WDR37: variants seen among roughly 807,000 people sequenced by gnomAD.
The protein encoded by WDR37 is WD repeat-containing protein 37.
A neutral mutation model predicts 62.9 loss-of-function variants in WDR37; 19 were observed. That is an observed-to-expected ratio of 0.30 (90% confidence interval 0.21 to 0.44). WDR37 has a LOEUF of 0.44. Ranked by LOEUF, WDR37 falls within the 20% of genes least tolerant of loss-of-function variation. The probability of loss-of-function intolerance (pLI) is 1.00; values close to 1 mark genes in which losing one functional copy is unlikely to be tolerated. For synonymous variants in WDR37, 250 were observed against 260.9 expected (o/e 0.96, Z 0.40); for missense variants, 474 against 657.6 (o/e 0.72, Z 3.05).
chr10:1,126,300 G>A (rs1422155797), intron 13 of WDR37, among the ~76,000 whole-genome samples: 2 of 151,286 alleles, frequency 1.3e-5, no homozygotes, highest in Admixed American at 6.6e-5. Flanking sequence ...CAGCTACTCG[G>A]GAGGCTGAGG....
chr10:1,063,363 C>T (rs1833431399), intron 1 of WDR37, among the ~76,000 whole-genome samples: 1 of 152,174 alleles, frequency 6.6e-6, no homozygotes, highest in African/African-American at 2.4e-5. Context: ...AGCTAAATAT[C>T]ACAGGAAACC....
chr10:1,080,964 C>A (rs7101036), intron 5 of WDR37, among the ~76,000 whole-genome samples: 13,617 of 151,436 alleles, frequency 0.09, 1,210 homozygotes, highest in African/African-American at 0.24. Flanking sequence ...TACCCTAGTA[C>A]CTACAGGGAT....
chr10:1,127,604 C>T (rs373718964), intron 13 of WDR37, among the ~76,000 whole-genome samples: 71 of 152,198 alleles, frequency 4.7e-4, no homozygotes, highest in African/African-American at 1.6e-3. Flanking sequence ...CACTTCCCAG[C>T]ATGAGTTTTG....
rs1375514760 is a variant in WDR37, at chr10:1,131,753, C to T, written c.*2409C>T. The T allele has an allele frequency of 1.3e-5, 2 of 152,106 alleles. No homozygotes were observed. Among genetic ancestry groups the T allele is most frequent in the Non-Finnish European group, 2.9e-5 (2 of 68,038 alleles). 9.4% of individuals were successfully genotyped at this position (152,106 alleles called of 1,614,324 possible). A position where few individuals can be genotyped will look rare whatever the true frequency, so the allele number is the denominator to read the frequency against. ...AAATTAAGTCATACTGTCAACCACA[C>T]GTGATCTCGTCTGAAACAGTGTTTG... is the stretch of plus-strand genomic sequence containing the variant. On this transcript the variant is annotated 3_prime_UTR_variant, in exon 14 of 14. Coordinates refer to ENST00000263150, the MANE Select transcript of WDR37 (RefSeq NM_014023.4).
At chr10:1,075,514 T>A (rs1833854437) in intron 2 of WDR37, among the ~76,000 whole-genome samples, 1 of 151,340 alleles carries the variant, frequency 6.6e-6, no homozygotes, top group African/African-American at 2.4e-5. Context: ...TATATTAATA[T>A]GCACTTAATA....
At chr10:1,091,290 A>T (rs1834379948) in intron 7 of WDR37, among the ~76,000 whole-genome samples, 1 of 152,182 alleles carries the variant, frequency 6.6e-6, no homozygotes, top group Non-Finnish European at 1.5e-5. Context: ...AAAATTTCTC[A>T]TCGAAATTGG....
chr10:1,082,429 T>C (rs1211972587), intron 5 of WDR37, among the ~76,000 whole-genome samples: 1 of 152,198 alleles, frequency 6.6e-6, no homozygotes, highest in East Asian at 1.9e-4. Flanking sequence ...AAGAAACTTA[T>C]AAAAATCAGA....
In WDR37 at chr10:1,097,310, C is replaced by T. The variant is rs145542675; in HGVS notation, c.726+1064C>T. On this transcript the variant is annotated intron_variant, in intron 9 of 13. Coordinates refer to ENST00000263150, the MANE Select transcript of WDR37 (RefSeq NM_014023.4). ...GGTGGGAGCCACAGCTTTAAGCACC[C>T]ACCGCAGCAGGATCCAGGACTGGAG... is the stretch of plus-strand genomic sequence containing the variant. Among the ~76,000 whole-genome samples the T allele has an allele frequency of 1.1e-3, 170 of 152,300 alleles. 2 individuals carry two copies. In the East Asian group the frequency reaches 0.031, roughly 28 times the overall value.
chr10:1,113,044 G>C (rs1321824468), intron 11 of WDR37, among the ~76,000 whole-genome samples: 1 of 151,546 alleles, frequency 6.6e-6, no homozygotes, highest in Non-Finnish European at 1.5e-5. Context: ...AACTTTCCTA[G>C]CTAGAGAAGA....
chr10:1,061,268 A>G (rs1337409035), intron 1 of WDR37, among the ~76,000 whole-genome samples: 1 of 151,956 alleles, frequency 6.6e-6, no homozygotes, highest in Non-Finnish European at 1.5e-5. Context: ...CTTCCTGTCT[A>G]TTTTAGATTC....
At chr10:1,111,935 T>G (rs1835229643) in intron 11 of WDR37, among the ~76,000 whole-genome samples, 1 of 151,868 alleles carries the variant, frequency 6.6e-6, no homozygotes, top group Admixed American at 6.6e-5. Flanking sequence ...GGAGTCTCGC[T>G]CTGTTGCCCA....
In WDR37 at chr10:1,072,161, C is replaced by G; in HGVS notation, c.6C>G (p.Pro2=). Residue 2 remains proline (P), a synonymous_variant, in exon 2 of 14, where the codon CCC becomes CCG. Coordinates refer to ENST00000263150, the MANE Select transcript of WDR37 (RefSeq NM_014023.4). M[P]TESASCSTAR... ...GACACTACCTCCTAGAAGTAATGCC[C>G]ACAGAAAGCGCAAGTTGTTCGACTG... The G allele has an allele frequency of 1.2e-6, 2 of 1,614,018 alleles. No individual in the cohort carries two copies. The highest frequency in any genetic ancestry group is 1.7e-6 in the Non-Finnish European group (2 of 1,179,992).
chr10:1,110,337 C>G (rs911261549), intron 11 of WDR37, among the ~76,000 whole-genome samples: 1 of 152,162 alleles, frequency 6.6e-6, no homozygotes, highest in Non-Finnish European at 1.5e-5. Flanking sequence ...AACCTTTAGA[C>G]GTGCCTCATA....
chr10:1,084,853 C>T (rs1056146987), intron 6 of WDR37, among the ~76,000 whole-genome samples: 3 of 152,216 alleles, frequency 2.0e-5, no homozygotes, highest in Non-Finnish European at 2.9e-5. Flanking sequence ...TCCAGGTCCC[C>T]GTGGGTAGGG....
chr10:1,112,495 G>A (rs901507679), intron 11 of WDR37, among the ~76,000 whole-genome samples: 2 of 152,200 alleles, frequency 1.3e-5, no homozygotes, highest in Non-Finnish European at 2.9e-5. Context: ...ATGAAGAGTT[G>A]CGTGTCCCTC....
intron 1 of WDR37, among the ~76,000 whole-genome samples, chr10:1,065,599 G>T (rs1337052937): frequency 6.6e-6 from 1 of 151,134 alleles, no homozygotes; most frequent in Non-Finnish European, 1.5e-5. Context: ...AAAAAAAAAA[G>T]CTACTAGGAA....
In WDR37 at chr10:1,094,441, G is replaced by A. The variant is rs1589102228; in HGVS notation, c.649+945G>A. Among the ~76,000 whole-genome samples the A allele has an allele frequency of 2.0e-5, 3 of 152,366 alleles. 1 individual carries two copies. In the South Asian group the frequency reaches 6.2e-4, roughly 32 times the overall value. ...ACTTCCAGTGTGTGGGATGCAGCGA[G>A]TCATGCGGTTTGGTTGGAGTTTCTA... On this transcript the variant is annotated intron_variant, in intron 8 of 13. Transcript: ENST00000263150.
intron 1 of WDR37, among the ~76,000 whole-genome samples, chr10:1,066,332 G>A (rs1309659891): frequency 2.6e-5 from 4 of 152,180 alleles, no homozygotes; most frequent in African/African-American, 7.2e-5. Context: ...TAGCTAGGAT[G>A]GTCTCGAAGT....
intron 11 of WDR37, among the ~76,000 whole-genome samples, chr10:1,116,015 G>T (rs980177755): frequency 2.0e-5 from 3 of 152,154 alleles, no homozygotes; most frequent in Non-Finnish European, 4.4e-5. Context: ...ACAAAATGTT[G>T]TATGTATTCA....
Sources: gnomAD v4.1 joint callset for allele counts (sites outside exome capture counted in the v4.1 genomes callset) on GRCh38, gnomAD v4.1.1 for gene constraint, MANE v1.5 for transcripts, NCBI Gene and HGNC (gene_info 2026-07-23, HGNC 2026-07-21) for gene names.